FER: variants seen among roughly 807,000 people sequenced by gnomAD.
FER encodes the protein FER tyrosine kinase, also known as tyrosine-protein kinase Fer.
In FER, 63 loss-of-function variants were observed where a neutral mutation model predicts 111.0. That is an observed-to-expected ratio of 0.57 (90% CI 0.46 to 0.70). FER has a LOEUF of 0.70. Ranked by LOEUF, FER falls within the 30% of genes least tolerant of loss-of-function variation. The pLI, the probability that FER is intolerant of heterozygous loss-of-function variation, is 0.00. For synonymous variants in FER, 327 were observed against 313.9 expected (o/e 1.04, Z -0.44); for missense variants, 914 against 954.0 (o/e 0.96, Z 0.55).
chr5:109,022,320 A>G (rs1028494295), intron 13 of FER, among the ~76,000 whole-genome samples: 7 of 152,228 alleles, frequency 4.6e-5, no homozygotes, highest in African/African-American at 1.7e-4. Context: ...AGCTTGGAAT[A>G]TACAGGAAGG....
intron 16 of FER, among the ~76,000 whole-genome samples, chr5:109,085,071 T>C (rs1454348256): frequency 6.6e-6 from 1 of 151,874 alleles, no homozygotes; most frequent in Non-Finnish European, 1.5e-5. Flanking sequence ...TTTATAGTTC[T>C]ATGGAAAAAT....
At chr5:109,082,993 G>A (rs990939682) in intron 16 of FER, among the ~76,000 whole-genome samples, 5 of 151,976 alleles carry the variant, frequency 3.3e-5, no homozygotes. Flanking sequence ...AAAAGGCAGA[G>A]GCAGTTTAAA....
intron 5 of FER, among the ~76,000 whole-genome samples, chr5:108,848,616 G>C (rs1460841732): frequency 6.6e-6 from 1 of 151,646 alleles, no homozygotes; most frequent in Non-Finnish European, 1.5e-5. Flanking sequence ...TCCTGTCTTT[G>C]TGCTATTATT....
At chr5:108,879,856 C>G (rs1326062977) in intron 8 of FER, among the ~76,000 whole-genome samples, 1 of 151,056 alleles carries the variant, frequency 6.6e-6, no homozygotes, top group African/African-American at 2.4e-5. Context: ...ATTACAGGTG[C>G]CTGCCACCAC....
In FER at chr5:109,044,758, C is replaced by G; in HGVS notation, c.1792C>G (p.Pro598Ala). ...VAVKTCKEDL[P>A]QELKIKFLQE... ...TGTTAAAACATGTAAAGAAGATCTT[C>G]CTCAGGAATTGAAAATAAAATTTTT... Residue 598 changes from proline to alanine, a missense_variant, in exon 15 of 20, where the codon CCT becomes GCT. Pro to Ala is a conservative substitution (Grantham distance 27). Around this residue, in one of 3 missense-constraint regions of FER, gnomAD observed 774 missense variants for 782.6 expected, o/e 0.99. Coordinates refer to ENST00000281092, the MANE Select transcript of FER (RefSeq NM_005246.4). 6.3e-7 allele frequency: 1 copy of G among 1,587,116 alleles called. No individual in the cohort carries two copies.
intron 18 of FER, among the ~76,000 whole-genome samples, chr5:109,185,607 T>G (rs191019744): frequency 4.6e-5 from 7 of 152,210 alleles, no homozygotes; most frequent in Admixed American, 1.3e-4. Flanking sequence ...AAAGTAAGCT[T>G]GCACACTGGC....
intron 13 of FER, among the ~76,000 whole-genome samples, chr5:109,013,249 T>C (rs1366615669): frequency 9.9e-6 from 1 of 100,794 alleles, no homozygotes; most frequent in Admixed American, 1.5e-4. Context: ...CCCACAACAG[T>C]CCCCGAAGTG....
intron 2 of FER, among the ~76,000 whole-genome samples, chr5:108,781,477 C>A (rs1013342278): frequency 1.3e-5 from 2 of 152,232 alleles, no homozygotes; most frequent in Non-Finnish European, 2.9e-5. Flanking sequence ...CAGGCGTGAG[C>A]CACCGTGCCC....
At chr5:109,054,530 C>G (rs1010663089) in intron 16 of FER, among the ~76,000 whole-genome samples, 2 of 152,104 alleles carry the variant, frequency 1.3e-5, no homozygotes, top group African/African-American at 4.8e-5. Flanking sequence ...AATCCTTTTT[C>G]TCTCAGTCTG....
chr5:108,920,824 T>C (rs1752923456), intron 10 of FER, among the ~76,000 whole-genome samples: 1 of 152,164 alleles, frequency 6.6e-6, no homozygotes, highest in African/African-American at 2.4e-5. Flanking sequence ...TGACCCTCCA[T>C]TGGTATTCCT....
chr5:108,816,727 G>A (rs10041657), intron 3 of FER, among the ~76,000 whole-genome samples: 34,694 of 151,986 alleles, frequency 0.23, 4,140 homozygotes, highest in African/African-American at 0.28. Flanking sequence ...GAGCTTTAAA[G>A]TACTGATGTA....
At chr5:109,175,026 A>AT (rs34979011) in intron 17 of FER, among the ~76,000 whole-genome samples, 89,988 of 152,014 alleles carry the variant, frequency 0.59, 26,743 homozygotes, top group South Asian at 0.66. Context: ...GACTTAACGT[A>AT]TAAAAAGTGC....
At chr5:109,166,457 A>G (rs77192712) in intron 17 of FER, among the ~76,000 whole-genome samples, 1,586 of 152,256 alleles carry the variant, frequency 0.01, 23 homozygotes, top group African/African-American at 0.036. Context: ...TTTTTCTTCC[A>G]TCTCTAACCC....
chr5:108,866,263 G>T (rs985648670), intron 5 of FER, among the ~76,000 whole-genome samples: 6 of 152,208 alleles, frequency 3.9e-5, no homozygotes, highest in Admixed American at 1.3e-4. Flanking sequence ...CCATAAAAAA[G>T]GATGAGTTCA....
intron 13 of FER, among the ~76,000 whole-genome samples, chr5:109,024,813 G>GA (rs1348122746): frequency 1.3e-5 from 2 of 152,000 alleles, no homozygotes; most frequent in African/African-American, 4.8e-5. Flanking sequence ...GTAAGGAAGG[G>GA]ATCCAGTTTC....
At chr5:108,922,058 G>A (rs563269432) in intron 10 of FER, among the ~76,000 whole-genome samples, 5 of 152,292 alleles carry the variant, frequency 3.3e-5, no homozygotes, top group African/African-American at 1.2e-4. Flanking sequence ...AGGGAAGACA[G>A]CCATGAGAAG....
chr5:109,057,109 G>A (rs1773754901), intron 16 of FER, among the ~76,000 whole-genome samples: 1 of 152,118 alleles, frequency 6.6e-6, no homozygotes, highest in Non-Finnish European at 1.5e-5. Context: ...ATTTCTCTAA[G>A]CAAGGTTCTT....
Position 108,883,536 on chromosome 5 carries a change from A to C in FER, c.1046+18A>C, listed in dbSNP as rs185490303. Reference sequence around the variant, plus strand: ...AAGTCTGAGTGAGTAAAAGAGAAACAATTTGAAGGAAGAATGTTTAATTGT... The same window carrying C: ...AAGTCTGAGTGAGTAAAAGAGAAACCATTTGAAGGAAGAATGTTTAATTGT... On this transcript the variant is annotated intron_variant, in intron 9 of 19. Coordinates refer to ENST00000281092, the MANE Select transcript of FER (RefSeq NM_005246.4). 2.1e-4 allele frequency: 330 copies of C among 1,547,896 alleles called. 1 individual carries two copies. In the Admixed American group the frequency reaches 2.2e-3, roughly 10 times the overall value.
chr5:109,117,955 T>C (rs183871209), intron 17 of FER, among the ~76,000 whole-genome samples: 5,683 of 151,608 alleles, frequency 0.037, 147 homozygotes, highest in South Asian at 0.079. Flanking sequence ...CATCTGCAAA[T>C]AGGGACAATT....
Sources: allele counts gnomAD v4.1 joint callset (sites outside exome capture counted in the v4.1 genomes callset), GRCh38; gene constraint gnomAD v4.1.1; regional missense constraint gnomAD v4.1.1; transcripts MANE v1.5; gene names NCBI Gene and HGNC (gene_info 2026-07-23, HGNC 2026-07-21).